FCHSD2: variants seen among roughly 807,000 people sequenced by gnomAD.
FCHSD2 encodes F-BAR and double SH3 domains protein 2.
A neutral mutation model predicts 108.1 loss-of-function variants in FCHSD2; 38 were observed. That is an observed-to-expected ratio of 0.35 (90% CI 0.27 to 0.46). The LOEUF (loss-of-function observed/expected upper bound fraction) is 0.46, where lower values mean the gene tolerates loss of function less well. Ranked by LOEUF, FCHSD2 falls within the 20% of genes least tolerant of loss-of-function variation. The pLI is 1.00. For synonymous variants in FCHSD2, 279 were observed against 314.7 expected, an observed-to-expected ratio of 0.89 and a Z score of 1.20; for missense variants, 751 against 897.8, an observed-to-expected ratio of 0.84 and a Z score of 2.09.
intron 6 of FCHSD2, 106 bp downstream of exon 6, chr11:72,988,858 C>G: frequency 1.2e-6 from 1 of 849,648 alleles, no homozygotes; most frequent in Non-Finnish European, 1.7e-6. Context: ...ATGAAACCAC[C>G]ACTACCTGAG....
At chr11:73,028,673 C>T (rs913546772) in intron 3 of FCHSD2, among the ~76,000 whole-genome samples, 1 of 152,128 alleles carries the variant, frequency 6.6e-6, no homozygotes, top group African/African-American at 2.4e-5. Context: ...TATGGTTTGG[C>T]TCTGTGTCCC....
At chr11:72,939,683 A>G (rs1856376953) in intron 8 of FCHSD2, among the ~76,000 whole-genome samples, 1 of 132,090 alleles carries the variant, frequency 7.6e-6, no homozygotes, top group Non-Finnish European at 1.5e-5. Context: ...CAGTGGTACA[A>G]TCTAGGCTCA....
intron 2 of FCHSD2, among the ~76,000 whole-genome samples, chr11:73,108,723 C>A (rs1424069956): frequency 6.6e-6 from 1 of 152,084 alleles, no homozygotes; most frequent in Non-Finnish European, 1.5e-5. Context: ...CGCCCGCCAC[C>A]GCGCCCGGCT....
chr11:73,055,017 G>A (rs1858992057), intron 3 of FCHSD2, among the ~76,000 whole-genome samples: 2 of 152,164 alleles, frequency 1.3e-5, no homozygotes, highest in African/African-American at 2.4e-5. Context: ...CGTGGCTGGG[G>A]AGGCCTCAAA....
chr11:72,852,517 T>G (rs1019140308), intron 13 of FCHSD2, among the ~76,000 whole-genome samples: 2 of 151,988 alleles, frequency 1.3e-5, no homozygotes, highest in African/African-American at 2.4e-5. Flanking sequence ...AATACAAAAA[T>G]TAGCCAGGCG....
intron 7 of FCHSD2, among the ~76,000 whole-genome samples, chr11:72,984,544 T>TA (rs1857276359): frequency 6.6e-6 from 1 of 152,178 alleles, no homozygotes; most frequent in Admixed American, 6.5e-5. Flanking sequence ...AAGGTATGGG[T>TA]AAAATCTAGT....
At chr11:72,993,388 A>G (rs922582650) in intron 5 of FCHSD2, among the ~76,000 whole-genome samples, 3 of 152,164 alleles carry the variant, frequency 2.0e-5, no homozygotes, top group Non-Finnish European at 4.4e-5. Context: ...ATACCATTTG[A>G]CCCAGCCATC....
intron 9 of FCHSD2, among the ~76,000 whole-genome samples, chr11:72,905,323 G>T (rs1379451603): frequency 6.6e-6 from 1 of 151,704 alleles, no homozygotes; most frequent in Non-Finnish European, 1.5e-5. Context: ...TATTTATGGG[G>T]TACATAAGAT....
At chr11:73,103,343 C>G (rs1591555202) in intron 2 of FCHSD2, among the ~76,000 whole-genome samples, 1 of 152,092 alleles carries the variant, frequency 6.6e-6, no homozygotes, top group East Asian at 1.9e-4. Flanking sequence ...TACTTCAGAA[C>G]CCGCAAAACA....
chr11:72,844,823 C>T (rs2135159920), intron 14 of FCHSD2, among the ~76,000 whole-genome samples: 1 of 152,222 alleles, frequency 6.6e-6, no homozygotes, highest in African/African-American at 2.4e-5. Flanking sequence ...ATCAATTTCC[C>T]ATTTTATGAA....
chr11:73,058,672 T>G (rs990466906), intron 3 of FCHSD2, among the ~76,000 whole-genome samples: 19 of 151,380 alleles, frequency 1.3e-4, no homozygotes, highest in African/African-American at 4.6e-4. Flanking sequence ...CTCAGCTCAC[T>G]GCAACCTCTG....
intron 7 of FCHSD2, 113 bp from the exon 8 acceptor site, chr11:72,984,329 C>A (rs536446936): frequency 3.7e-5 from 33 of 898,600 alleles, no homozygotes; most frequent in Non-Finnish European, 1.4e-5. Flanking sequence ...ATAAAGGTAA[C>A]CACGTGCGGA....
intron 11 of FCHSD2, among the ~76,000 whole-genome samples, chr11:72,888,295 T>G (rs901950350): frequency 1.3e-5 from 2 of 152,178 alleles, no homozygotes; most frequent in African/African-American, 4.8e-5. Context: ...TTAATTGTGA[T>G]GAAATTGTTG....
intron 13 of FCHSD2, among the ~76,000 whole-genome samples, chr11:72,862,531 T>C (rs1462833816): frequency 2.6e-5 from 4 of 152,200 alleles, no homozygotes; most frequent in Admixed American, 6.5e-5. Flanking sequence ...ACAAAGGATA[T>C]GCAAGATCTA....
intron 3 of FCHSD2, among the ~76,000 whole-genome samples, chr11:73,042,363 C>T (rs990396377): frequency 6.6e-6 from 1 of 152,168 alleles, no homozygotes; most frequent in African/African-American, 2.4e-5. Flanking sequence ...AATCAGTTGG[C>T]AGTAAAATAT....
At chr11:73,012,137 A>G (rs1857876949) in intron 4 of FCHSD2, among the ~76,000 whole-genome samples, 2 of 152,202 alleles carry the variant, frequency 1.3e-5, no homozygotes, top group African/African-American at 4.8e-5. Flanking sequence ...ACAAATAGGG[A>G]TGTGGATAAC....
At chr11:72,901,422 T>A (rs1035338152) in intron 10 of FCHSD2, among the ~76,000 whole-genome samples, 34 of 151,638 alleles carry the variant, frequency 2.2e-4, no homozygotes, top group African/African-American at 7.3e-4. Flanking sequence ...ATAATAATAA[T>A]AAATAAGTAA....
At chr11:72,914,797 G>A (rs1855837871) in intron 9 of FCHSD2, among the ~76,000 whole-genome samples, 1 of 152,042 alleles carries the variant, frequency 6.6e-6, no homozygotes. Flanking sequence ...GAAAACCTAG[G>A]CAATACCATT....
At position 73,001,129 on chromosome 11, in the gene FCHSD2, A is replaced by G; in HGVS notation, c.248T>C (p.Met83Thr). Residue 83 changes from methionine (M) to threonine (T), a missense_variant, in exon 5 of 20, where the codon ATG becomes ACG. By Grantham distance (81) the Met-to-Thr change is moderately conservative. Coordinates refer to ENST00000409418, the MANE Select transcript of FCHSD2 (RefSeq NM_014824.3). ...GAGAAAAGATTTCCAAACGGGATAC[A>G]TGCTCCTAAATTCAAAGAGGGATAG... The part of the protein sequence containing the change: ...KADDRNDYRS[M>T]YPVWKSFLEG... 1 of 1,612,884 alleles carries G rather than the reference A, an allele frequency of 6.2e-7. No individual in the cohort carries two copies.
Sources: allele counts gnomAD v4.1 joint callset (sites outside exome capture counted in the v4.1 genomes callset), GRCh38; gene constraint gnomAD v4.1.1; transcripts MANE v1.5; gene names NCBI Gene and HGNC (gene_info 2026-07-23, HGNC 2026-07-21).